KNDC1: variants seen among roughly 807,000 people sequenced by gnomAD.
The protein encoded by KNDC1 is kinase non-catalytic C-lobe domain-containing protein 1.
KNDC1 carries 106 observed loss-of-function variants against 172.8 expected under a neutral mutation model. The observed-to-expected ratio is 0.61, with a 90% CI of 0.52 to 0.72. The LOEUF (loss-of-function observed/expected upper bound fraction) is 0.72. Ranked by LOEUF, KNDC1 falls within the 30% of genes least tolerant of loss-of-function variation. The probability of loss-of-function intolerance (pLI) is 0.00; values close to 1 mark genes in which losing one functional copy is unlikely to be tolerated. For synonymous variants in KNDC1, 1,083 were observed against 1,062.2 expected, an observed-to-expected ratio of 1.02 and a Z score of -0.38; for missense variants, 2,325 against 2,394.5, an observed-to-expected ratio of 0.97 and a Z score of 0.61.
intron 17 of KNDC1, chr10:133,202,163 C>T (rs9419023): frequency 0.46 from 318,516 of 692,890 alleles, 76,525 homozygotes; most frequent in East Asian, 0.64. Context: ...CTCTCATGGT[C>T]GCCCGGGCGA....
intron 29 of KNDC1, among the ~76,000 whole-genome samples, chr10:133,223,822 TGTGTGTGA>T (rs1424288591): frequency 1.1e-5 from 1 of 87,616 alleles, no homozygotes; most frequent in African/African-American, 4.5e-5. Flanking sequence ...GGCGTGTGTG[TGTGTGTGA>T]GAGCCCATCC....
intron 3 of KNDC1, among the ~76,000 whole-genome samples, chr10:133,169,640 T>C (rs996279481): frequency 9.9e-5 from 15 of 152,178 alleles, no homozygotes; most frequent in African/African-American, 3.6e-4. Context: ...CCTGCAGCAG[T>C]GGCCTGGTGG....
intron 3 of KNDC1, among the ~76,000 whole-genome samples, chr10:133,178,018 C>T (rs961542673): frequency 2.8e-5 from 4 of 142,860 alleles, no homozygotes; most frequent in East Asian, 2.1e-4. Context: ...TGTGTGCATG[C>T]ATGTGGTATG....
rs781481414 is a variant in KNDC1, at chr10:133,207,296, G to T, written c.3739G>T (p.Ala1247Ser). The part of the protein sequence containing the change: ...VNKHPGGRQK[A>S]RILQAGTPLG... ...CAAGCACCCGGGCGGCCGGCAGAAG[G>T]CCCGCATCCTGCAGGCCGGCACGCC... Residue 1247 changes from alanine (A) to serine (S), a missense_variant, in exon 20 of 30, where the codon GCC becomes TCC. By Grantham distance (99) the Ala-to-Ser change is moderately conservative. Coordinates refer to ENST00000304613, the MANE Select transcript of KNDC1 (RefSeq NM_152643.8). 1 of 1,612,992 alleles carries T rather than the reference G, an allele frequency of 6.2e-7. No homozygotes were observed. Among genetic ancestry groups the T allele is most frequent in the Non-Finnish European group, 8.5e-7 (1 of 1,179,982 alleles).
chr10:133,172,153 C>T (rs7076670), intron 3 of KNDC1, among the ~76,000 whole-genome samples: 62,413 of 151,962 alleles, frequency 0.41, 14,841 homozygotes, highest in South Asian at 0.65. Context: ...AGGCTGGGCA[C>T]TGTCCCATCT....
chr10:133,210,649 A>G lies in KNDC1; in HGVS notation c.3833A>G (p.Tyr1278Cys). The part of the protein sequence containing the change: ...FLEGYVQQFL[Y>C]TFRYFCTPHD... ...GAGGGTTATGTGCAGCAATTCCTCT[A>G]CACCTTCCGCTACTTCTGCACACCC... Residue 1278 changes from tyrosine (Y) to cysteine (C), a missense_variant, in exon 21 of 30, where the codon TAC (tyrosine) becomes TGC (cysteine). Physicochemically the swap from Tyr to Cys is radical, Grantham distance 194. Transcript: ENST00000304613. 6.2e-7 allele frequency: 1 copy of G among 1,613,738 alleles called. No homozygotes were observed. The highest frequency in any genetic ancestry group is 8.5e-7 in the Non-Finnish European group (1 of 1,179,884).
intron 20 of KNDC1, 77 bp downstream of exon 20, chr10:133,207,428 G>A (rs866246743): frequency 2.4e-5 from 32 of 1,336,762 alleles, no homozygotes; most frequent in Middle Eastern, 3.7e-4. Context: ...ACGTGCCCTC[G>A]CCAGTCAGCT....
chr10:133,219,745 C>T (rs72859894), intron 28 of KNDC1, among the ~76,000 whole-genome samples: 2 of 152,362 alleles, frequency 1.3e-5, no homozygotes, highest in Non-Finnish European at 2.9e-5. Flanking sequence ...GCTGTCAGGG[C>T]CGTGAAAGCT....
intron 3 of KNDC1, among the ~76,000 whole-genome samples, chr10:133,181,656 G>A (rs1007413904): frequency 6.6e-6 from 1 of 152,212 alleles, no homozygotes; most frequent in Non-Finnish European, 1.5e-5. Flanking sequence ...ATGGGACAGA[G>A]AAGGTCAGCC....
chr10:133,177,398 GGTGT>G (rs1275670657), intron 3 of KNDC1, among the ~76,000 whole-genome samples: 2 of 152,042 alleles, frequency 1.3e-5, no homozygotes, highest in East Asian at 3.9e-4. Flanking sequence ...TATGGTGTGT[GGTGT>G]GTTTCAAGCA....
chr10:133,186,560 G>T lies in KNDC1; in HGVS notation c.1212G>T (p.Gly404=), dbSNP rs750325082. 1 of 1,609,950 alleles carries T rather than the reference G, an allele frequency of 6.2e-7. No individual in the cohort carries two copies. The highest frequency in any genetic ancestry group is 8.5e-7 in the Non-Finnish European group (1 of 1,179,914). ...CCGAGACTTCACACCCCAGCCAGGGGCCAGCAGAGGCCCCTGCAGACCCTC... is the reference window on the plus strand; with the variant it reads ...CCGAGACTTCACACCCCAGCCAGGGTCCAGCAGAGGCCCCTGCAGACCCTC... The part of the protein sequence containing the change: ...GQPETSHPSQ[G]PAEAPADPRD... The change falls in exon 6 of 30, where the codon GGG becomes GGT. Residue 404 remains glycine, a synonymous_variant. Transcript: ENST00000304613.
At chr10:133,201,304 C>T (rs1156657615) in intron 16 of KNDC1, among the ~76,000 whole-genome samples, 197 bp from the exon 17 acceptor site, 1 of 152,148 alleles carries the variant, frequency 6.6e-6, no homozygotes, top group Non-Finnish European at 1.5e-5. Flanking sequence ...GTCACCCGGC[C>T]CCGTGCGGCA....
At chr10:133,202,938 C>T (rs1268872436) in intron 17 of KNDC1, among the ~76,000 whole-genome samples, 2 of 152,206 alleles carry the variant, frequency 1.3e-5, no homozygotes, top group African/African-American at 2.4e-5. Context: ...CAGCAAACAC[C>T]AAACGACCCG....
chr10:133,194,343 A>G (rs546848242), intron 9 of KNDC1, among the ~76,000 whole-genome samples: 2 of 152,358 alleles, frequency 1.3e-5, no homozygotes, highest in East Asian at 3.9e-4. Flanking sequence ...TTAAAAACAT[A>G]TAGAACTGAG....
chr10:133,184,988 T>C (rs1853848675), intron 5 of KNDC1, among the ~76,000 whole-genome samples: 3 of 152,276 alleles, frequency 2.0e-5, no homozygotes, highest in Admixed American at 2.0e-4. Context: ...CAGGCCGCCT[T>C]TGAACAGAGG....
chr10:133,222,208 G>A (rs543248969), intron 29 of KNDC1, among the ~76,000 whole-genome samples: 3,735 of 149,132 alleles, frequency 0.025, 55 homozygotes, highest in Middle Eastern at 0.037. Context: ...GCGTGAACCC[G>A]GGAGGCGGAG....
chr10:133,191,781 C>G (rs924934600), intron 9 of KNDC1, among the ~76,000 whole-genome samples: 1 of 152,210 alleles, frequency 6.6e-6, no homozygotes, highest in Non-Finnish European at 1.5e-5. Context: ...TGCATTTACA[C>G]CCCCTGCTCT....
rs145934692 is a variant in KNDC1 at position 133,212,330 on chromosome 10, C to A, written c.4237-386C>A. Among the ~76,000 whole-genome samples the A allele has an allele frequency of 1.5e-4, 23 of 152,364 alleles. No homozygotes were observed. The East Asian group carries it at 4.1e-3, about 27-fold the overall frequency. ...ACATCCACACGTGCACACTCACATACCCCCTCCATGTTCCCGGTCCCAGGC... is the reference window on the plus strand; with the variant it reads ...ACATCCACACGTGCACACTCACATAACCCCTCCATGTTCCCGGTCCCAGGC... On this transcript the variant is annotated intron_variant, in intron 23 of 29. Coordinates refer to ENST00000304613, the MANE Select transcript of KNDC1 (RefSeq NM_152643.8).
intron 3 of KNDC1, among the ~76,000 whole-genome samples, chr10:133,174,967 G>A (rs1181531230): frequency 6.6e-6 from 1 of 151,934 alleles, no homozygotes; most frequent in East Asian, 1.9e-4. Flanking sequence ...TGGATATGTG[G>A]ATGGATGAGT....
Sources: gnomAD v4.1 joint callset for allele counts (sites outside exome capture counted in the v4.1 genomes callset) on GRCh38, gnomAD v4.1.1 for gene constraint, MANE v1.5 for transcripts, NCBI Gene and HGNC (gene_info 2026-07-23, HGNC 2026-07-21) for gene names.